The following NRXN3 variants were observed in gnomAD, a reference collection of about 807,000 sequenced individuals.
NRXN3 encodes neurexin 3, also known as neurexin III.
NRXN3 carries 32 observed loss-of-function variants against 137.6 expected under a neutral mutation model. That is an observed-to-expected ratio of 0.23 (90% CI 0.18 to 0.31). NRXN3 has a LOEUF of 0.31. NRXN3 is among the 10% of genes least tolerant of loss of function. The pLI is 1.00. For synonymous variants in NRXN3, 798 were observed against 784.5 expected, an observed-to-expected ratio of 1.02 and a Z score of -0.29; for missense variants, 1,574 against 2,062.5, an observed-to-expected ratio of 0.76 and a Z score of 4.59.
intron 4 of NRXN3, among the ~76,000 whole-genome samples, chr14:78,377,172 A>G (rs1259380250): frequency 6.6e-6 from 1 of 152,244 alleles, no homozygotes; most frequent in Non-Finnish European, 1.5e-5. Context: ...TCTATGAGAA[A>G]TACACTTTCG....
intron 16 of NRXN3, among the ~76,000 whole-genome samples, chr14:79,508,452 C>T (rs944051801): frequency 4.9e-5 from 6 of 123,446 alleles, no homozygotes; most frequent in Admixed American, 1.1e-4. Flanking sequence ...TGCAGTGGCA[C>T]GATCTTGGCT....
intron 19 of NRXN3, among the ~76,000 whole-genome samples, chr14:79,732,140 T>C (rs2098926201): frequency 6.6e-6 from 1 of 152,162 alleles, no homozygotes; most frequent in Admixed American, 6.5e-5. Flanking sequence ...ACTGGATTTT[T>C]TTTTAAGAGA....
chr14:78,359,678 C>A (rs189952543), intron 4 of NRXN3, among the ~76,000 whole-genome samples: 2 of 152,224 alleles, frequency 1.3e-5, no homozygotes, highest in East Asian at 1.9e-4. Flanking sequence ...TAATATTGTA[C>A]CCTGCGGTAC....
At chr14:78,943,976 G>A (rs2099360367) in intron 10 of NRXN3, among the ~76,000 whole-genome samples, 1 of 151,916 alleles carries the variant, frequency 6.6e-6, no homozygotes, top group Non-Finnish European at 1.5e-5. Flanking sequence ...AAGGGTGAGA[G>A]GATGGCAGGT....
chr14:78,225,860 A>G (rs1029914949), intron 1 of NRXN3, among the ~76,000 whole-genome samples: 1 of 151,902 alleles, frequency 6.6e-6, no homozygotes, highest in African/African-American at 2.4e-5. Flanking sequence ...TACTGCTCAC[A>G]TGTCTATCTC....
intron 16 of NRXN3, among the ~76,000 whole-genome samples, chr14:79,637,921 G>A (rs221474): frequency 0.26 from 38,341 of 146,526 alleles, 5,583 homozygotes; most frequent in African/African-American, 0.44. Flanking sequence ...GTAGAGATGG[G>A]TTTTCAACAT....
At chr14:78,940,320 C>T (rs1267302695) in intron 10 of NRXN3, among the ~76,000 whole-genome samples, 3 of 152,168 alleles carry the variant, frequency 2.0e-5, no homozygotes, top group Non-Finnish European at 2.9e-5. Flanking sequence ...ATCTTCTTAA[C>T]CCCAAACTCA....
At chr14:78,802,844 G>A (rs1260742245) in intron 8 of NRXN3, among the ~76,000 whole-genome samples, 1 of 152,174 alleles carries the variant, frequency 6.6e-6, no homozygotes, top group Non-Finnish European at 1.5e-5. Flanking sequence ...TGCTCGGTAG[G>A]CTGAGGCAGG....
intron 4 of NRXN3, among the ~76,000 whole-genome samples, chr14:78,379,730 A>G (rs1471015332): frequency 6.6e-6 from 1 of 152,236 alleles, no homozygotes; most frequent in East Asian, 1.9e-4. Context: ...CTCTTATTCA[A>G]ATAGTGCTAG....
intron 8 of NRXN3, among the ~76,000 whole-genome samples, chr14:78,761,785 A>G (rs755100251): frequency 5.3e-5 from 8 of 152,204 alleles, no homozygotes; most frequent in Non-Finnish European, 1.2e-4. Context: ...TTCTCTCAGG[A>G]ATATCTGTAC....
intron 10 of NRXN3, among the ~76,000 whole-genome samples, chr14:78,857,333 G>C (rs1046365970): frequency 6.6e-6 from 1 of 152,122 alleles, no homozygotes; most frequent in African/African-American, 2.4e-5. Flanking sequence ...GCTGCATAAA[G>C]CAGTGTTGAA....
chr14:78,549,749 C>T (rs955666083), intron 4 of NRXN3, among the ~76,000 whole-genome samples: 2 of 152,162 alleles, frequency 1.3e-5, no homozygotes, highest in Non-Finnish European at 2.9e-5. Flanking sequence ...GCTCTTGTTT[C>T]TCTACGTGAG....
chr14:79,385,770 C>T lies in NRXN3; in HGVS notation c.3263-81451C>T, dbSNP rs75924732. On this transcript the variant is annotated intron_variant, in intron 15 of 20. Coordinates refer to ENST00000335750, the MANE Select transcript of NRXN3 (RefSeq NM_001330195.2). The stretch of plus-strand genomic sequence containing the variant: ...AAAAGTTGGATATTTTTCAAGTGGG[C>T]TTCATCCCTGGGATGCAAGGCTGGT... Among the ~76,000 whole-genome samples, 441 of 152,224 alleles carry T rather than the reference C, an allele frequency of 2.9e-3. 9 individuals carry two copies. The East Asian group carries it at 0.041, about 14-fold the overall frequency.
chr14:79,612,452 C>T (rs1392861605), intron 16 of NRXN3, among the ~76,000 whole-genome samples: 7 of 152,174 alleles, frequency 4.6e-5, no homozygotes, highest in Admixed American at 1.3e-4. Flanking sequence ...AAAGGACAGC[C>T]AGCCAAAGGG....
At chr14:78,669,882 G>GT (rs555159709) in intron 6 of NRXN3, among the ~76,000 whole-genome samples, 334 of 152,012 alleles carry the variant, frequency 2.2e-3, no homozygotes, top group Non-Finnish European at 3.3e-3. Context: ...TTATTATACT[G>GT]TAAGTTCTGG....
chr14:79,340,743 CG>C (rs1876861049), intron 15 of NRXN3, among the ~76,000 whole-genome samples: 1 of 152,194 alleles, frequency 6.6e-6, no homozygotes, highest in Non-Finnish European at 1.5e-5. Context: ...GGATTACAGG[CG>C]TAAGCCACCG....
intron 4 of NRXN3, among the ~76,000 whole-genome samples, chr14:78,419,746 T>C (rs1598440548): frequency 1.3e-5 from 2 of 152,264 alleles, no homozygotes; most frequent in South Asian, 4.1e-4. Flanking sequence ...AAGGGAATAG[T>C]TCTAGAGACT....
chr14:78,815,504 C>A (rs1474365436), intron 10 of NRXN3, among the ~76,000 whole-genome samples: 1 of 21,196 alleles, frequency 4.7e-5, no homozygotes, highest in Non-Finnish European at 1.2e-4. Context: ...TTTTTTTTGC[C>A]TTTTCCCTTA....
intron 15 of NRXN3, among the ~76,000 whole-genome samples, chr14:79,308,472 CT>C (rs1318627636): frequency 3.3e-5 from 5 of 152,122 alleles, no homozygotes; most frequent in Non-Finnish European, 5.9e-5. Flanking sequence ...TTTCTAGAAA[CT>C]TTTTAACTTG....
Sources: gnomAD v4.1 joint callset for allele counts (sites outside exome capture counted in the v4.1 genomes callset) on GRCh38, gnomAD v4.1.1 for gene constraint, MANE v1.5 for transcripts, NCBI Gene and HGNC (gene_info 2026-07-23, HGNC 2026-07-21) for gene names.